The following FAM133B variants were observed in gnomAD, a reference collection of about 807,000 sequenced individuals.
The protein encoded by FAM133B is protein FAM133B.
In FAM133B, 25 loss-of-function variants were observed where a neutral mutation model predicts 46.4. That is an observed-to-expected ratio of 0.54 (90% CI 0.39 to 0.75). The LOEUF is 0.75. Ranked by LOEUF, FAM133B falls within the 30% of genes least tolerant of loss-of-function variation. The probability of loss-of-function intolerance (pLI) is 0.00; values close to 1 mark genes in which losing one functional copy is unlikely to be tolerated. For synonymous variants in FAM133B, 75 were observed against 86.0 expected, an observed-to-expected ratio of 0.87 and a Z score of 0.71; for missense variants, 205 against 277.6, an observed-to-expected ratio of 0.74 and a Z score of 1.86.
intron 1 of FAM133B, chr7:92,589,932 G>A (rs756001718): frequency 7.3e-5 from 30 of 412,162 alleles, no homozygotes; most frequent in Non-Finnish European, 1.2e-4. Flanking sequence ...GTTACATGGC[G>A]GGGCCAGGTG....
At chr7:92,589,951 G>C in intron 1 of FAM133B, 1 of 458,558 alleles carries the variant, frequency 2.2e-6, no homozygotes, top group Non-Finnish European at 3.9e-6. Context: ...TGTGGGGGGG[G>C]TTCCCCGAGC....
intron 1 of FAM133B, among the ~76,000 whole-genome samples, chr7:92,585,645 T>C (rs2116424577): frequency 6.6e-6 from 1 of 152,146 alleles, no homozygotes; most frequent in Admixed American, 6.5e-5. Flanking sequence ...ATTTCTCAAG[T>C]GAAAAGCAAA....
chr7:92,573,910 ACTCT>A (rs1425925342), intron 8 of FAM133B, among the ~76,000 whole-genome samples: 1 of 151,486 alleles, frequency 6.6e-6, no homozygotes. Context: ...GCAGGGTCTC[ACTCT>A]CTCTCCCAGG....
intron 8 of FAM133B, among the ~76,000 whole-genome samples, chr7:92,575,143 AT>A (rs995072905): frequency 1.3e-5 from 2 of 152,214 alleles, no homozygotes; most frequent in Admixed American, 1.3e-4. Context: ...TATCTATGGT[AT>A]ATTCAATTTG....
intron 5 of FAM133B, 125 bp downstream of exon 5, chr7:92,578,025 C>T (rs76223764): frequency 0.022 from 18,042 of 836,312 alleles, 254 homozygotes; most frequent in Non-Finnish European, 0.028. Flanking sequence ...AATCAAAGAA[C>T]CTCTAAGTTC....
chr7:92,589,802 C>A (rs1795138620), intron 1 of FAM133B: 2 of 160,056 alleles, frequency 1.2e-5, no homozygotes, highest in South Asian at 1.8e-4. Context: ...GGCACAGGGA[C>A]CGCGTCGAGG....
At chr7:92,580,746 C>T (rs1327165203) in intron 2 of FAM133B, among the ~76,000 whole-genome samples, 2 of 152,212 alleles carry the variant, frequency 1.3e-5, no homozygotes, top group Non-Finnish European at 2.9e-5. Flanking sequence ...ATTTCTGATA[C>T]ACATGTAATA....
At chr7:92,571,840 C>T (rs1189724327) in intron 8 of FAM133B, among the ~76,000 whole-genome samples, 4 of 152,112 alleles carry the variant, frequency 2.6e-5, no homozygotes, top group Admixed American at 6.5e-5. Context: ...CCCAGGAACA[C>T]GTTATGACTC....
chr7:92,566,053 T>G lies in FAM133B; in HGVS notation c.618A>C (p.Ala206=), dbSNP rs757252043. Residue 206 remains alanine (A), a synonymous_variant, in exon 10 of 11, where the codon GCA becomes GCC. Coordinates refer to ENST00000445716, the MANE Select transcript of FAM133B (RefSeq NM_152789.4). ...GTTCTTCACTGCTTTTCTTCTTTTTTGCTCGCACCTAGAAAGTTTAAATTT... is the reference window on the plus strand; with the variant it reads ...GTTCTTCACTGCTTTTCTTCTTTTTGGCTCGCACCTAGAAAGTTTAAATTT... ...SESEYIEEVR[A]KKKKSSEERE... is the part of the protein sequence containing the mutation. 6.2e-7 allele frequency: 1 copy of G among 1,613,790 alleles called. No individual in the cohort carries two copies. Among genetic ancestry groups the G allele is most frequent in the Non-Finnish European group, 8.5e-7 (1 of 1,179,864 alleles).
At position 92,585,473 on chromosome 7, in the gene FAM133B, A is replaced by G. The variant is rs147882616; in HGVS notation, c.25-3870T>C. 1,368 of 581,436 alleles carry G rather than the reference A, an allele frequency of 2.4e-3. 2 individuals are homozygous for G. The highest frequency in any genetic ancestry group is 2.8e-3 in the Non-Finnish European group (1,285 of 461,060). The allele number at this position is 581,436 out of a possible 1,614,324, so 36.0% of individuals were successfully genotyped here. A position where few individuals can be genotyped will look rare whatever the true frequency, so the allele number is the denominator to read the frequency against. ...GAGTGCAAATATACACATATCAAGG[A>G]TATTCAGGTCTAAATTACTAAAACA... On this transcript the variant is annotated intron_variant, in intron 1 of 10. Coordinates refer to ENST00000445716, the MANE Select transcript of FAM133B (RefSeq NM_152789.4).
At chr7:92,569,688 T>C in intron 9 of FAM133B, 135 bp downstream of exon 9, 1 of 432,838 alleles carries the variant, frequency 2.3e-6, no homozygotes, top group Non-Finnish European at 4.1e-6. Flanking sequence ...TGAAATGAAA[T>C]AACTTTCATT....
intron 1 of FAM133B, among the ~76,000 whole-genome samples, chr7:92,583,733 T>G (rs1233634836): frequency 6.6e-6 from 1 of 151,972 alleles, no homozygotes; most frequent in Non-Finnish European, 1.5e-5. Flanking sequence ...AAAATTTTAT[T>G]TATTACTATT....
At chr7:92,565,040 C>G (rs1019422873) in intron 10 of FAM133B, among the ~76,000 whole-genome samples, 3 of 151,898 alleles carry the variant, frequency 2.0e-5, no homozygotes, top group Non-Finnish European at 4.4e-5. Flanking sequence ...CCAGATTTGG[C>G]TGATTTGGAA....
chr7:92,570,034 T>C (rs11971255), intron 8 of FAM133B, 119 bp from the exon 9 acceptor site: 17,291 of 432,568 alleles, frequency 0.04, 533 homozygotes, highest in African/African-American at 0.11. Flanking sequence ...TTTTAGAATG[T>C]CTAAAAAGTG....
At chr7:92,565,213 C>A (rs1226923768) in intron 10 of FAM133B, among the ~76,000 whole-genome samples, 1 of 144,218 alleles carries the variant, frequency 6.9e-6, no homozygotes. Context: ...TGCAGTGGGG[C>A]GATCTCAGCT....
intron 9 of FAM133B, among the ~76,000 whole-genome samples, chr7:92,569,195 G>C (rs549764475): frequency 6.6e-6 from 1 of 152,224 alleles, no homozygotes; most frequent in Non-Finnish European, 1.5e-5. Flanking sequence ...TATGTTGATC[G>C]CTAAAGAAAG....
intron 9 of FAM133B, 49 bp from the exon 10 acceptor site, chr7:92,566,110 G>C (rs1389357237): frequency 6.4e-7 from 1 of 1,567,528 alleles, no homozygotes; most frequent in Non-Finnish European, 8.7e-7. Flanking sequence ...CATGTAATTT[G>C]TACTCAAGGC....
At position 92,590,261 on chromosome 7, in the gene FAM133B, TAC is replaced by T. The variant is rs1795163190; in HGVS notation, c.24+5_24+6del. The T allele has an allele frequency of 6.2e-7, 1 of 1,613,340 alleles. No homozygotes were observed. Among genetic ancestry groups the T allele is most frequent in the Admixed American group, 1.7e-5 (1 of 59,992 alleles). ...TCGCCCCACTGTTTTCCCGGCTGAG[TAC>T]TCACCACCCGATTGTCCCGCTTCCC... On this transcript the variant is annotated splice_donor_5th_base_variant and intron_variant, in intron 1 of 10. Transcript: ENST00000445716.
intron 8 of FAM133B, among the ~76,000 whole-genome samples, chr7:92,572,323 A>G (rs1237048130): frequency 2.0e-5 from 3 of 152,244 alleles, no homozygotes; most frequent in African/African-American, 7.2e-5. Context: ...ACTAGCAAGA[A>G]TGCAAAATAA....
Sources: gnomAD v4.1 joint callset for allele counts (sites outside exome capture counted in the v4.1 genomes callset) on GRCh38, gnomAD v4.1.1 for gene constraint, MANE v1.5 for transcripts, NCBI Gene and HGNC (gene_info 2026-07-23, HGNC 2026-07-21) for gene names.